Variants in RGS13 observed in about 807,000 individuals in gnomAD.
RGS13 encodes regulator of G-protein signalling 13.
Under a neutral mutation model 19.9 loss-of-function variants are expected in RGS13, and 14 were observed. The ratio of observed to expected loss-of-function variants is 0.70; its 90% confidence interval spans 0.46 to 1.10. The LOEUF is 1.10. Among genes scored for constraint, RGS13 ranks in the 50% least tolerant of loss-of-function variants. RGS13 has a pLI of 0.00. For missense variants in RGS13, 205 were observed against 187.1 expected (o/e 1.10, Z -0.56); for synonymous variants, 60 against 56.8 (o/e 1.06, Z -0.25).
At chr1:192,648,800 A>C (rs775072187) in intron 5 of RGS13, among the ~76,000 whole-genome samples, 23 of 152,062 alleles carry the variant, frequency 1.5e-4, no homozygotes, top group Non-Finnish European at 2.9e-4. Flanking sequence ...TGGACTATGA[A>C]GGAGAGTTGG....
At position 192,636,155 on chromosome 1, in the gene RGS13, G is replaced by A. The variant is rs1253509080; in HGVS notation, c.-278G>A. The A allele has an allele frequency of 6.6e-6, 1 of 151,914 alleles. No homozygotes were observed. The highest frequency in any genetic ancestry group is 1.5e-5 in the Non-Finnish European group (1 of 67,946). The allele number at this position is 151,914 out of a possible 1,614,324, so 9.4% of individuals were successfully genotyped here. ...GTAAAAACAGAACATTCATACTGAG[G>A]CCAGAGTGCCATCGAAGGTAATTAT... is the stretch of plus-strand genomic sequence containing the variant. On this transcript the variant is annotated 5_prime_UTR_variant, in exon 1 of 7. Transcript: ENST00000391995.
Position 192,659,516 on chromosome 1 carries a change from G to A in RGS13, c.473G>A (p.Ser158Asn). Reference sequence around the variant, plus strand: ...TTGAAAACTATGCAGTCCAACAACAGTTTCTGACTACAACTCAAAAGTTTA... The same window carrying A: ...TTGAAAACTATGCAGTCCAACAACAATTTCTGACTACAACTCAAAAGTTTA... ...KLLKTMQSNN[S>N]F The change falls in exon 7 of 7, where the codon AGT becomes AAT. Residue 158 changes from serine to asparagine, a missense_variant. Ser to Asn is a conservative substitution (Grantham distance 46, BLOSUM62 1). Coordinates refer to ENST00000391995, the MANE Select transcript of RGS13 (RefSeq NM_002927.5). The A allele has an allele frequency of 1.9e-6, 3 of 1,604,998 alleles. No homozygotes were observed. Among genetic ancestry groups the A allele is most frequent in the Non-Finnish European group, 2.6e-6 (3 of 1,176,284 alleles).
intron 3 of RGS13, 78 bp from the exon 4 acceptor site, chr1:192,644,253 A>G: frequency 3.9e-6 from 4 of 1,023,726 alleles, no homozygotes; most frequent in Admixed American, 2.2e-5. Context: ...ATAATATTGT[A>G]TGTTCCTTAG....
At chr1:192,651,908 C>T (rs1260338979) in intron 5 of RGS13, among the ~76,000 whole-genome samples, 4 of 151,976 alleles carry the variant, frequency 2.6e-5, no homozygotes, top group African/African-American at 4.8e-5. Context: ...ATGGAAGGCT[C>T]ATTGGTTGAC....
chr1:192,644,606 A>C, intron 4 of RGS13: 1 of 493,962 alleles, frequency 2.0e-6, no homozygotes, highest in Non-Finnish European at 3.6e-6. Context: ...AGAATTCAGC[A>C]AGTTAAATGC....
intron 4 of RGS13, chr1:192,646,881 T>C (rs1373814765): frequency 2.6e-5 from 4 of 152,170 alleles, no homozygotes; most frequent in East Asian, 1.9e-4. Flanking sequence ...AAGTTACTTG[T>C]ATTTGAGAAT....
chr1:192,650,428 A>G (rs1042198474), intron 5 of RGS13, among the ~76,000 whole-genome samples: 1 of 152,168 alleles, frequency 6.6e-6, no homozygotes, highest in Non-Finnish European at 1.5e-5. Context: ...AATGTGCCAG[A>G]GAATAAAAAT....
At chr1:192,645,722 G>A (rs1025415277) in intron 4 of RGS13, 19 of 150,294 alleles carry the variant, frequency 1.3e-4, no homozygotes, top group African/African-American at 4.5e-4. Context: ...CCATGGGCCA[G>A]CATTAAACTT....
chr1:192,640,893 A>T (rs577642834), intron 3 of RGS13, among the ~76,000 whole-genome samples: 3 of 152,040 alleles, frequency 2.0e-5, no homozygotes, highest in African/African-American at 7.2e-5. Context: ...CTGAAATTCT[A>T]TTGGTTTTCC....
intron 3 of RGS13, among the ~76,000 whole-genome samples, chr1:192,640,966 T>A (rs927319151): frequency 6.6e-6 from 1 of 152,008 alleles, no homozygotes; most frequent in Non-Finnish European, 1.5e-5. Flanking sequence ...AGTATGTCAC[T>A]CACATTGTAA....
At position 192,644,320 on chromosome 1, in the gene RGS13, T is replaced by C. The variant is rs562920842; in HGVS notation, c.-4-11T>C. 14 of 1,584,890 alleles carry C rather than the reference T, an allele frequency of 8.8e-6. No individual in the cohort carries two copies. Among genetic ancestry groups the C allele is most frequent in the South Asian group, 7.8e-5 (7 of 89,768 alleles). On this transcript the variant is annotated splice_polypyrimidine_tract_variant and intron_variant, in intron 3 of 6. Coordinates refer to ENST00000391995, the MANE Select transcript of RGS13 (RefSeq NM_002927.5). ...GATTAAATTATACAAATATATACTG[T>C]ATTTCCTTAGAAAAATGAGCAGGCG...
At chr1:192,648,908 A>G (rs1453121289) in intron 5 of RGS13, among the ~76,000 whole-genome samples, 2 of 152,084 alleles carry the variant, frequency 1.3e-5, no homozygotes, top group Non-Finnish European at 2.9e-5. Context: ...GTCCTGAGGC[A>G]CTACCTGCTC....
chr1:192,652,824 CG>C, intron 5 of RGS13, among the ~76,000 whole-genome samples: 1 of 151,922 alleles, frequency 6.6e-6, no homozygotes, highest in African/African-American at 2.4e-5. Flanking sequence ...TGTTGAGGCA[CG>C]GGGTACATGA....
chr1:192,641,308 AAAG>A (rs1663117779), intron 3 of RGS13, among the ~76,000 whole-genome samples: 1 of 136,550 alleles, frequency 7.3e-6, no homozygotes, highest in Non-Finnish European at 1.6e-5. Context: ...GAAAGAAAGA[AAAG>A]AAAGAAAGGA....
intron 4 of RGS13, 176 bp downstream of exon 4, chr1:192,644,575 A>T: frequency 3.6e-6 from 2 of 549,896 alleles, no homozygotes; most frequent in South Asian, 5.7e-5. Context: ...TCTTGTTTTC[A>T]TTATTCATGG....
At chr1:192,651,859 T>C (rs902992576) in intron 5 of RGS13, among the ~76,000 whole-genome samples, 1 of 151,906 alleles carries the variant, frequency 6.6e-6, no homozygotes, top group Non-Finnish European at 1.5e-5. Context: ...ACGGAGGAGG[T>C]ATAAAATAGT....
chr1:192,638,686 G>A (rs943843716), intron 3 of RGS13, among the ~76,000 whole-genome samples: 1 of 152,028 alleles, frequency 6.6e-6, no homozygotes, highest in Admixed American at 6.6e-5. Flanking sequence ...TAAAGGACAG[G>A]AATACCAGAG....
rs1166179667 is a variant in RGS13 at position 192,642,427 on chromosome 1, T to A, written c.-4-1904T>A. On this transcript the variant is annotated intron_variant, in intron 3 of 6. Transcript: ENST00000391995. ...GCCTCAACCCCCTGGGCTCAAGTGATCCTCCCACCTCAGCCTCCTGAGTAT... is the reference window on the plus strand; with the variant it reads ...GCCTCAACCCCCTGGGCTCAAGTGAACCTCCCACCTCAGCCTCCTGAGTAT... Among the ~76,000 whole-genome samples, 6 of 151,390 alleles carry A rather than the reference T, an allele frequency of 4.0e-5. No individual in the cohort carries two copies. The South Asian group carries it at 1.3e-3, about 32-fold the overall frequency.
chr1:192,647,138 G>A (rs1237341501), intron 4 of RGS13: 1 of 152,150 alleles, frequency 6.6e-6, no homozygotes, highest in Non-Finnish European at 1.5e-5. Context: ...AGGTTTTGTG[G>A]ATTAACTCTA....
Sources: allele counts gnomAD v4.1 joint callset (sites outside exome capture counted in the v4.1 genomes callset), GRCh38; gene constraint gnomAD v4.1.1; transcripts MANE v1.5; gene names NCBI Gene and HGNC (gene_info 2026-07-23, HGNC 2026-07-21).